The following COG5 variants were observed in gnomAD, a reference collection of about 807,000 sequenced individuals.
COG5 encodes component of oligomeric golgi complex 5, also known as conserved oligomeric Golgi complex subunit 5.
In COG5, 86 loss-of-function variants were observed where a neutral mutation model predicts 110.4. The observed-to-expected ratio is 0.78, with a 90% confidence interval of 0.65 to 0.93. COG5 has a LOEUF of 0.93. Ranked by LOEUF, COG5 falls within the 40% of genes least tolerant of loss-of-function variation. The pLI is 0.00. For missense variants in COG5, 1,077 were observed against 987.0 expected (o/e 1.09, Z -1.22); for synonymous variants, 360 against 334.6 (o/e 1.08, Z -0.83).
chr7:107,546,881 A>T (rs1802494974), intron 5 of COG5, among the ~76,000 whole-genome samples: 1 of 152,206 alleles, frequency 6.6e-6, no homozygotes, highest in Non-Finnish European at 1.5e-5. Context: ...TAAATCAGTA[A>T]TAAAAAGTCT....
intron 8 of COG5, among the ~76,000 whole-genome samples, chr7:107,371,928 TG>T (rs1279610786): frequency 1.3e-5 from 2 of 152,114 alleles, no homozygotes; most frequent in Non-Finnish European, 2.9e-5. Context: ...AACAGAGAGA[TG>T]GAGTGGCAGC....
intron 8 of COG5, among the ~76,000 whole-genome samples, chr7:107,364,448 A>C (rs1400225879): frequency 6.6e-6 from 1 of 152,190 alleles, no homozygotes; most frequent in African/African-American, 2.4e-5. Flanking sequence ...CTGCACCTTA[A>C]ATAATATTAA....
At chr7:107,404,697 G>A (rs1288678045) in intron 7 of COG5, among the ~76,000 whole-genome samples, 1 of 152,000 alleles carries the variant, frequency 6.6e-6, no homozygotes, top group Non-Finnish European at 1.5e-5. Flanking sequence ...TAAGGGAAAT[G>A]AGGGATGGAA....
chr7:107,487,237 C>T (rs979055704), intron 6 of COG5, among the ~76,000 whole-genome samples: 3 of 152,028 alleles, frequency 2.0e-5, no homozygotes, highest in African/African-American at 7.2e-5. Context: ...GCAAAGAATA[C>T]AAACAGGTAA....
At chr7:107,427,164 C>T (rs1293511201) in intron 6 of COG5, among the ~76,000 whole-genome samples, 2 of 152,110 alleles carry the variant, frequency 1.3e-5, no homozygotes, top group African/African-American at 2.4e-5. Flanking sequence ...AAAAGTAAGG[C>T]TATATAGATA....
At chr7:107,315,921 T>C (rs1019498212) in intron 11 of COG5, among the ~76,000 whole-genome samples, 3 of 152,206 alleles carry the variant, frequency 2.0e-5, no homozygotes, top group Non-Finnish European at 4.4e-5. Context: ...CTACATATTG[T>C]ATGTTTCCTG....
At chr7:107,325,113 G>A (rs1214081250) in intron 10 of COG5, among the ~76,000 whole-genome samples, 2 of 152,058 alleles carry the variant, frequency 1.3e-5, no homozygotes, top group African/African-American at 4.8e-5. Flanking sequence ...ACTCAGTTTA[G>A]CATGATACTT....
At chr7:107,263,156 T>C (rs1032999442) in intron 14 of COG5, among the ~76,000 whole-genome samples, 3 of 152,204 alleles carry the variant, frequency 2.0e-5, no homozygotes, top group Non-Finnish European at 4.4e-5. Context: ...AAGTATCTTG[T>C]ATAAAGTAGG....
intron 5 of COG5, among the ~76,000 whole-genome samples, chr7:107,541,641 G>T (rs897312173): frequency 6.8e-6 from 1 of 146,370 alleles, no homozygotes; most frequent in African/African-American, 2.5e-5. Context: ...AACTAGAGAT[G>T]AAAACTATAG....
At chr7:107,318,370 G>T (rs868014959) in intron 11 of COG5, among the ~76,000 whole-genome samples, 1 of 151,962 alleles carries the variant, frequency 6.6e-6, no homozygotes, top group Non-Finnish European at 1.5e-5. Context: ...ATTGAGAGAC[G>T]AAATATTCAA....
At chr7:107,414,531 G>A (rs1792553909) in intron 6 of COG5, among the ~76,000 whole-genome samples, 1 of 151,558 alleles carries the variant, frequency 6.6e-6, no homozygotes, top group Admixed American at 6.6e-5. Flanking sequence ...ATTTTACTAG[G>A]CTTTCAATAT....
At chr7:107,421,112 A>G (rs1460177337) in intron 6 of COG5, among the ~76,000 whole-genome samples, 1 of 152,130 alleles carries the variant, frequency 6.6e-6, no homozygotes, top group Non-Finnish European at 1.5e-5. Flanking sequence ...TCTGGGCACC[A>G]TTTTTCCTTT....
intron 17 of COG5, among the ~76,000 whole-genome samples, chr7:107,239,628 T>C (rs141759001): frequency 7.9e-5 from 12 of 152,294 alleles, no homozygotes; most frequent in African/African-American, 2.2e-4. Flanking sequence ...ATTTCTTTCA[T>C]TGATGTTTTA....
chr7:107,543,055 T>C (rs1802155658), intron 5 of COG5, among the ~76,000 whole-genome samples: 1 of 151,990 alleles, frequency 6.6e-6, no homozygotes, highest in East Asian at 1.9e-4. Flanking sequence ...TAAAGCATAA[T>C]TTTTAGTTAA....
chr7:107,258,211 G>C, intron 15 of COG5, 62 bp downstream of exon 15: 1 of 960,532 alleles, frequency 1.0e-6, no homozygotes, highest in Non-Finnish European at 1.7e-6. Context: ...TTTGTAAACT[G>C]TCCAAATTTG....
intron 7 of COG5, among the ~76,000 whole-genome samples, chr7:107,381,898 A>G (rs1218204367): frequency 6.6e-6 from 1 of 152,128 alleles, no homozygotes; most frequent in Non-Finnish European, 1.5e-5. Context: ...TCAAGACTGG[A>G]GCATGTTTGT....
At chr7:107,370,519 C>T (rs570139388) in intron 8 of COG5, among the ~76,000 whole-genome samples, 15 of 152,152 alleles carry the variant, frequency 9.9e-5, no homozygotes, top group African/African-American at 3.6e-4. Flanking sequence ...GGCGCGGTGG[C>T]TCACGCCTGT....
intron 12 of COG5, among the ~76,000 whole-genome samples, chr7:107,295,895 C>A (rs558183932): frequency 2.0e-5 from 3 of 152,104 alleles, no homozygotes; most frequent in African/African-American, 7.2e-5. Context: ...AGGTTCAAGC[C>A]ATTCTCTTGC....
intron 6 of COG5, chr7:107,475,008 A>G (rs760926144): frequency 1.2e-6 from 2 of 1,612,670 alleles, no homozygotes; most frequent in Non-Finnish European, 1.7e-6. Flanking sequence ...GGATGTCTTT[A>G]TTGATTATTT....
Sources: allele counts gnomAD v4.1 joint callset (sites outside exome capture counted in the v4.1 genomes callset), GRCh38; gene constraint gnomAD v4.1.1; transcripts MANE v1.5; gene names NCBI Gene and HGNC (gene_info 2026-07-23, HGNC 2026-07-21).